Variants in SVOP observed in about 807,000 individuals in gnomAD.
The protein encoded by SVOP is synaptic vesicle 2-related protein.
A neutral mutation model predicts 69.1 loss-of-function variants in SVOP; 17 were observed. The observed-to-expected ratio is 0.25, with a 90% CI of 0.17 to 0.37. The LOEUF (loss-of-function observed/expected upper bound fraction) is 0.37. Among genes scored for constraint, SVOP ranks in the 10% least tolerant of loss-of-function variants. SVOP has a pLI of 1.00. For missense variants in SVOP, 435 were observed against 597.5 expected, an observed-to-expected ratio of 0.73 and a Z score of 2.84; for synonymous variants, 238 against 238.6, an observed-to-expected ratio of 1.00 and a Z score of 0.02.
intron 11 of SVOP, among the ~76,000 whole-genome samples, chr12:108,932,754 T>C (rs1020018907): frequency 6.6e-6 from 1 of 152,062 alleles, no homozygotes; most frequent in Non-Finnish European, 1.5e-5. Flanking sequence ...ACAAAGATCG[T>C]AAGACCGACA....
chr12:108,978,305 C>G (rs1302416079), intron 3 of SVOP: 1 of 392,020 alleles, frequency 2.6e-6, no homozygotes, highest in Admixed American at 4.3e-5. Flanking sequence ...ACATCATAAT[C>G]TCATAGTAGC....
Position 108,912,752 on chromosome 12 carries a change from G to A in SVOP, c.1441-11C>T. On this transcript the variant is annotated splice_polypyrimidine_tract_variant and intron_variant, in intron 15 of 15. Transcript: ENST00000610966. ...GGATTCCAGCATCACCTAGGGGAAGGAGACACGGGTCGGTGAAAGCATCCC... is the reference window on the plus strand; with the variant it reads ...GGATTCCAGCATCACCTAGGGGAAGAAGACACGGGTCGGTGAAAGCATCCC... 1 of 1,612,150 alleles carries A rather than the reference G, an allele frequency of 6.2e-7. No homozygotes were observed. The highest frequency in any genetic ancestry group is 8.5e-7 in the Non-Finnish European group (1 of 1,178,994).
chr12:108,975,240 G>A (rs527773985), intron 4 of SVOP, among the ~76,000 whole-genome samples: 2 of 152,256 alleles, frequency 1.3e-5, no homozygotes, highest in South Asian at 2.1e-4. Flanking sequence ...TAATAATTAC[G>A]GTAATCTTGC....
At chr12:108,971,241 C>T (rs1477656640) in intron 5 of SVOP, among the ~76,000 whole-genome samples, 1 of 152,060 alleles carries the variant, frequency 6.6e-6, no homozygotes, top group Non-Finnish European at 1.5e-5. Flanking sequence ...CCAGCCTGGC[C>T]AACATGGTGA....
In SVOP at chr12:109,020,910, A is replaced by C; in HGVS notation, c.-42T>G. 1 of 709,876 alleles carries C rather than the reference A, an allele frequency of 1.4e-6. No homozygotes were observed. Among genetic ancestry groups the C allele is most frequent in the Non-Finnish European group, 2.6e-6 (1 of 380,820 alleles). 44.0% of individuals were successfully genotyped at this position (709,876 alleles called of 1,614,324 possible). ...GATGAGCCCTTCTCATGGCCCTTAC[A>C]TGGTAGTGGTGGATGACGAGCCCTC... On this transcript the variant is annotated 5_prime_UTR_variant, in exon 1 of 16. The change abolishes an upstream ATG in the 5' untranslated region. Coordinates refer to ENST00000610966, the MANE Select transcript of SVOP (RefSeq NM_018711.5).
At chr12:108,964,747 G>A (rs1304772243) in intron 5 of SVOP, among the ~76,000 whole-genome samples, 1 of 152,136 alleles carries the variant, frequency 6.6e-6, no homozygotes, top group Non-Finnish European at 1.5e-5. Flanking sequence ...AACTATGACT[G>A]TCATTCCGTC....
At chr12:108,978,744 C>T in intron 2 of SVOP, 81 bp from the exon 3 acceptor site, 3 of 665,802 alleles carry the variant, frequency 4.5e-6, no homozygotes, top group Non-Finnish European at 2.7e-6. Context: ...TGGGGTGGTC[C>T]CCAGCCAAGC....
intron 1 of SVOP, among the ~76,000 whole-genome samples, chr12:108,995,812 A>G (rs1057305766): frequency 6.6e-6 from 1 of 151,928 alleles, no homozygotes; most frequent in Non-Finnish European, 1.5e-5. Context: ...AGGGCAGGAC[A>G]ATCGCTTGAA....
At chr12:108,939,682 G>A (rs1176907692) in intron 8 of SVOP, among the ~76,000 whole-genome samples, 1 of 152,188 alleles carries the variant, frequency 6.6e-6, no homozygotes, top group Non-Finnish European at 1.5e-5. Context: ...ATAGCAGAGA[G>A]TGCAAATGCC....
intron 5 of SVOP, among the ~76,000 whole-genome samples, chr12:108,969,377 T>G (rs2040065363): frequency 1.7e-5 from 1 of 58,508 alleles, no homozygotes; most frequent in Admixed American, 2.6e-4. Flanking sequence ...CCCCTTTCCT[T>G]TTCTTTCTTT....
Position 108,915,767 on chromosome 12 carries a change from TG to T in SVOP, c.1440+15del. On this transcript the variant is annotated intron_variant, in intron 15 of 15. Coordinates refer to ENST00000610966, the MANE Select transcript of SVOP (RefSeq NM_018711.5). ...TTGTCACCCCCCATCCCTCTGTATT[TG>T]GGGGCAGCACCTACCTGGGCGATGA... The T allele has an allele frequency of 6.3e-7, 1 of 1,593,274 alleles. No homozygotes were observed.
At chr12:108,969,911 T>A (rs2040068866) in intron 5 of SVOP, among the ~76,000 whole-genome samples, 1 of 150,664 alleles carries the variant, frequency 6.6e-6, no homozygotes, top group South Asian at 2.1e-4. Context: ...AATAACCAGC[T>A]TTTACTTCCT....
intron 5 of SVOP, among the ~76,000 whole-genome samples, chr12:108,964,175 C>T (rs1020438081): frequency 6.6e-6 from 1 of 151,342 alleles, no homozygotes; most frequent in Non-Finnish European, 1.5e-5. Flanking sequence ...GGCAACATAG[C>T]GAGACCCTTG....
chr12:109,016,127 T>TGAGA (rs1258170675), intron 1 of SVOP, among the ~76,000 whole-genome samples: 2 of 152,218 alleles, frequency 1.3e-5, no homozygotes, highest in African/African-American at 4.8e-5. Context: ...GGCACTGTGC[T>TGAGA]GAGAGCTTCC....
intron 6 of SVOP, among the ~76,000 whole-genome samples, chr12:108,957,543 G>A (rs1471784445): frequency 6.6e-6 from 1 of 152,174 alleles, no homozygotes; most frequent in Non-Finnish European, 1.5e-5. Flanking sequence ...AAGAAAAAGA[G>A]TCACCGTGGG....
At position 108,918,178 on chromosome 12, in the gene SVOP, G is replaced by A. The variant is rs371616531; in HGVS notation, c.1269-54C>T. The A allele has an allele frequency of 4.2e-6, 6 of 1,438,808 alleles. No homozygotes were observed. In the African/African-American group the frequency reaches 4.3e-5, roughly 10 times the overall value. 89.1% of individuals were successfully genotyped at this position (1,438,808 alleles called of 1,614,324 possible). A position where few individuals can be genotyped will look rare whatever the true frequency, so the allele number is the denominator to read the frequency against. Reference sequence around the variant, plus strand: ...CATTTTTTTCTGTCTGCTTGTTTCAGCATAGTCCTATCTTCCCAGGCAGTA... The same window carrying A: ...CATTTTTTTCTGTCTGCTTGTTTCAACATAGTCCTATCTTCCCAGGCAGTA... On this transcript the variant is annotated intron_variant, in intron 13 of 15. Transcript: ENST00000610966.
chr12:108,919,546 C>G, intron 13 of SVOP, 129 bp downstream of exon 13: 2 of 672,558 alleles, frequency 3.0e-6, no homozygotes, highest in Non-Finnish European at 5.2e-6. Flanking sequence ...TACACCCACA[C>G]TTGGGCCTGC....
chr12:108,920,594 CTTT>C (rs71079507), intron 12 of SVOP, among the ~76,000 whole-genome samples: 2 of 121,304 alleles, frequency 1.6e-5, no homozygotes. Flanking sequence ...ATTTTTACAT[CTTT>C]TTTTTTTTTT....
At chr12:108,958,567 C>A (rs2039998560) in intron 6 of SVOP, among the ~76,000 whole-genome samples, 2 of 152,044 alleles carry the variant, frequency 1.3e-5, no homozygotes, top group Non-Finnish European at 2.9e-5. Flanking sequence ...TGGAACACAT[C>A]CCCATCATTA....
Sources: gnomAD v4.1 joint callset for allele counts (sites outside exome capture counted in the v4.1 genomes callset) on GRCh38, gnomAD v4.1.1 for gene constraint, MANE v1.5 for transcripts, NCBI Gene and HGNC (gene_info 2026-07-23, HGNC 2026-07-21) for gene names.